C1QTNF3: variants seen among roughly 807,000 people sequenced by gnomAD.
The protein encoded by C1QTNF3 is complement C1q tumor necrosis factor-related protein 3.
In C1QTNF3, 26 loss-of-function variants were observed where a neutral mutation model predicts 32.6. That is an observed-to-expected ratio of 0.80 (90% CI 0.58 to 1.11). C1QTNF3 has a LOEUF of 1.11. Ranked by LOEUF, C1QTNF3 falls within the 50% of genes least tolerant of loss-of-function variation. The probability of loss-of-function intolerance (pLI) is 0.00; values close to 1 mark genes in which losing one functional copy is unlikely to be tolerated. For missense variants in C1QTNF3, 362 were observed against 398.2 expected (o/e 0.91, Z 0.77); for synonymous variants, 155 against 146.0 (o/e 1.06, Z -0.44).
chr5:34,045,884 C>A (rs1754977592), upstream of C1QTNF3, among the ~76,000 whole-genome samples: 1 of 152,034 alleles, frequency 6.6e-6, no homozygotes, highest in Non-Finnish European at 1.5e-5. Context: ...TATGTACCCC[C>A]AAAAGAAACT....
the C1QTNF3 span, among the ~76,000 whole-genome samples, chr5:34,180,425 G>A: frequency 1.3e-5 from 2 of 152,356 alleles, no homozygotes; most frequent in South Asian, 4.2e-4. Flanking sequence ...GCTGAGAGGG[G>A]AGGATCGCTT....
At chr5:34,034,167 A>G (rs942037235) in intron 2 of C1QTNF3, among the ~76,000 whole-genome samples, 29 of 152,254 alleles carry the variant, frequency 1.9e-4, no homozygotes, top group African/African-American at 6.8e-4. Context: ...ACTTTGTTTC[A>G]GGCAAAAGAA....
chr5:34,157,486 A>C, the C1QTNF3 span, among the ~76,000 whole-genome samples: 18 of 152,202 alleles, frequency 1.2e-4, no homozygotes, highest in Admixed American at 1.1e-3. Flanking sequence ...AAATATGTGA[A>C]TATGCTACCT....
the C1QTNF3 span, among the ~76,000 whole-genome samples, chr5:34,068,532 G>T: frequency 1.3e-5 from 2 of 151,900 alleles, no homozygotes; most frequent in African/African-American, 4.8e-5. Context: ...CGTATATAGA[G>T]AGAGAGAGAG....
chr5:34,125,992 T>C, the C1QTNF3 span, among the ~76,000 whole-genome samples: 1 of 152,182 alleles, frequency 6.6e-6, no homozygotes, highest in Non-Finnish European at 1.5e-5. Context: ...TTCTCTTTAA[T>C]TTTTCTGAAA....
the C1QTNF3 span, among the ~76,000 whole-genome samples, chr5:34,048,636 A>G: frequency 6.6e-6 from 1 of 151,828 alleles, no homozygotes; most frequent in Non-Finnish European, 1.5e-5. Flanking sequence ...CCTGGAACCA[A>G]CTATAGCTAC....
the C1QTNF3 span, among the ~76,000 whole-genome samples, chr5:34,141,023 A>G: frequency 6.6e-6 from 1 of 152,228 alleles, no homozygotes; most frequent in African/African-American, 2.4e-5. Flanking sequence ...CTGGCATGAC[A>G]AAGTATCACG....
intron 4 of C1QTNF3, among the ~76,000 whole-genome samples, chr5:34,026,010 G>A (rs112027910): frequency 9.6e-4 from 146 of 152,314 alleles, no homozygotes; most frequent in African/African-American, 3.4e-3. Context: ...GCACTTAAAA[G>A]CATTTGTGAA....
At chr5:34,078,740 T>C in the C1QTNF3 span, among the ~76,000 whole-genome samples, 2 of 151,670 alleles carry the variant, frequency 1.3e-5, no homozygotes, top group Non-Finnish European at 2.9e-5. This position sits in a 1 kb window ranked among gnomAD's most constrained non-coding sequence, Gnocchi z 4.0. Flanking sequence ...CCTCTGTTTG[T>C]CCCACCTTGT....
At chr5:34,032,126 CTT>C (rs1754628129) in intron 3 of C1QTNF3, among the ~76,000 whole-genome samples, 1 of 152,184 alleles carries the variant, frequency 6.6e-6, no homozygotes. Context: ...CAGAAAGAAA[CTT>C]AATTTTTAAA....
At chr5:34,055,032 G>C in the C1QTNF3 span, among the ~76,000 whole-genome samples, 2 of 152,160 alleles carry the variant, frequency 1.3e-5, no homozygotes, top group Admixed American at 1.3e-4. Flanking sequence ...GCAGCTAAAG[G>C]ACCAGGCTTC....
chr5:34,124,739 A>C, the C1QTNF3 span, among the ~76,000 whole-genome samples: 4 of 152,206 alleles, frequency 2.6e-5, no homozygotes, highest in Non-Finnish European at 5.9e-5. Flanking sequence ...TGTCTTAAGC[A>C]GTCTTTATAT....
chr5:34,234,083 C>T, the C1QTNF3 span, among the ~76,000 whole-genome samples: 3 of 152,188 alleles, frequency 2.0e-5, no homozygotes, highest in East Asian at 3.9e-4. Flanking sequence ...AAGTTCATAT[C>T]GTAAGCCTAA....
At chr5:34,022,552 TG>T (rs1197740178) in intron 5 of C1QTNF3, among the ~76,000 whole-genome samples, 10 of 152,186 alleles carry the variant, frequency 6.6e-5, no homozygotes, top group African/African-American at 2.2e-4. Context: ...GACAGGGAGA[TG>T]GGGAGACATG....
At chr5:34,169,572 G>A in the C1QTNF3 span, among the ~76,000 whole-genome samples, 1 of 151,926 alleles carries the variant, frequency 6.6e-6, no homozygotes, top group Non-Finnish European at 1.5e-5. Context: ...TTGCCTTTTC[G>A]TTCTGTTGAT....
chr5:34,104,986 AG>A, the C1QTNF3 span, among the ~76,000 whole-genome samples: 4 of 139,052 alleles, frequency 2.9e-5, no homozygotes, highest in African/African-American at 1.0e-4. Context: ...TTTCAGCAAG[AG>A]TTTTTTTTTT....
At chr5:34,065,238 A>G in the C1QTNF3 span, among the ~76,000 whole-genome samples, 1 of 152,334 alleles carries the variant, frequency 6.6e-6, no homozygotes, top group South Asian at 2.1e-4. Context: ...AAAGGACATG[A>G]ACAGACACTT....
the C1QTNF3 span, among the ~76,000 whole-genome samples, chr5:34,171,737 C>G: frequency 6.6e-6 from 1 of 152,028 alleles, no homozygotes; most frequent in Non-Finnish European, 1.5e-5. Flanking sequence ...TACCTTCAAG[C>G]AGGATGAAAT....
chr5:34,236,413 G>T, the C1QTNF3 span, among the ~76,000 whole-genome samples: 9 of 151,704 alleles, frequency 5.9e-5, no homozygotes, highest in Non-Finnish European at 1.3e-4. Flanking sequence ...AGAAGAAAAA[G>T]AAGTGACTCA....
Sources: gnomAD v4.1 joint callset for allele counts (sites outside exome capture counted in the v4.1 genomes callset) on GRCh38, gnomAD v4.1.1 for gene constraint, Gnocchi (gnomAD v3.1) non-coding constraint, MANE v1.5 for transcripts, NCBI Gene and HGNC (gene_info 2026-07-23, HGNC 2026-07-21) for gene names.